The following CHMP3 variants were observed in gnomAD, a reference collection of about 807,000 sequenced individuals.
The protein encoded by CHMP3 is charged multivesicular body protein 3.
In CHMP3, 8 loss-of-function variants were observed where a neutral mutation model predicts 27.4. The observed-to-expected ratio is 0.29, with a 90% CI of 0.17 to 0.53. The LOEUF (loss-of-function observed/expected upper bound fraction) is 0.53. Among genes scored for constraint, CHMP3 ranks in the 20% least tolerant of loss-of-function variants. The pLI, the probability that CHMP3 is intolerant of heterozygous loss-of-function variation, is 0.96. For missense variants in CHMP3, 208 were observed against 271.5 expected (o/e 0.77, Z 1.64); for synonymous variants, 86 against 85.5 (o/e 1.01, Z -0.03).
chr2:86,548,179 CTTTTTTTTTT>C (rs55949258), intron 1 of CHMP3, among the ~76,000 whole-genome samples: 1 of 116,072 alleles, frequency 8.6e-6, no homozygotes, highest in South Asian at 3.1e-4. Context: ...GAGGAGTTCT[CTTTTTTTTTT>C]TTTTTTTTTT....
rs1205641112 is a variant in CHMP3 at position 86,507,529 on chromosome 2, T to G, written c.473A>C (p.Glu158Ala). The change falls in exon 5 of 6, where the codon GAG becomes GCG. Residue 158 changes from glutamate (E) to alanine (A), a missense_variant. Physicochemically the swap from Glu to Ala is moderately radical, Grantham distance 107. This residue lies in a region of CHMP3 where 94 missense variants were observed against 159.6 expected (regional missense o/e 0.59). Transcript: ENST00000263856. The stretch of plus-strand genomic sequence containing the variant: ...GTCAATTTCCATTTCTGCTTCTTCC[T>G]CCATTTCTTCCTGATCGTCCATGCT... ...FESMDDQEEM[E>A]EEAEMEIDRI... 6.2e-7 allele frequency: 1 copy of G among 1,614,028 alleles called. No individual in the cohort carries two copies. Among genetic ancestry groups the G allele is most frequent in the East Asian group, 2.2e-5 (1 of 44,888 alleles).
intron 3 of CHMP3, among the ~76,000 whole-genome samples, chr2:86,522,326 T>C (rs930043529): frequency 2.0e-5 from 3 of 152,184 alleles, no homozygotes; most frequent in Non-Finnish European, 4.4e-5. Context: ...TCCCAAAATG[T>C]AGCCTTTTCC....
At chr2:86,546,621 AGAGACGG>A (rs1479496911) in intron 1 of CHMP3, among the ~76,000 whole-genome samples, 9 of 151,882 alleles carry the variant, frequency 5.9e-5, no homozygotes, top group African/African-American at 1.5e-4. Context: ...CATTTTCAGT[AGAGACGG>A]GATTTCACCA....
chr2:86,532,702 T>G (rs1033974012), intron 2 of CHMP3, among the ~76,000 whole-genome samples: 12 of 152,228 alleles, frequency 7.9e-5, no homozygotes, highest in African/African-American at 2.9e-4. Context: ...GTGAGTTTCT[T>G]TTCCCCTTCA....
chr2:86,547,939 G>A (rs781133029), intron 1 of CHMP3, among the ~76,000 whole-genome samples: 4 of 152,150 alleles, frequency 2.6e-5, no homozygotes, highest in Admixed American at 6.5e-5. Context: ...TTCATTCACA[G>A]AGGTCTATTA....
intron 3 of CHMP3, chr2:86,512,236 T>C (rs978715673): frequency 6.6e-6 from 1 of 152,216 alleles, no homozygotes; most frequent in Admixed American, 6.5e-5. Flanking sequence ...CTGAATGGAT[T>C]AGGTGCCCTT....
chr2:86,524,589 A>C (rs1675630759), intron 3 of CHMP3, among the ~76,000 whole-genome samples: 1 of 152,212 alleles, frequency 6.6e-6, no homozygotes, highest in Non-Finnish European at 1.5e-5. Context: ...AGATATGTGT[A>C]GGTTATATGC....
chr2:86,506,214 A>G (rs756100298), intron 5 of CHMP3, among the ~76,000 whole-genome samples: 1 of 152,210 alleles, frequency 6.6e-6, no homozygotes, highest in Non-Finnish European at 1.5e-5. Context: ...AAAACTTTAA[A>G]TCTTCTTTCT....
intron 1 of CHMP3, among the ~76,000 whole-genome samples, chr2:86,555,037 G>A (rs760528864): frequency 6.6e-5 from 10 of 151,818 alleles, no homozygotes; most frequent in South Asian, 2.1e-4. Flanking sequence ...TAGTAGAGAC[G>A]GGGTTTCACT....
At chr2:86,510,277 C>CCAAAACCAA in intron 4 of CHMP3, 81 bp downstream of exon 4, 1 of 1,118,948 alleles carries the variant, frequency 8.9e-7, no homozygotes, top group Non-Finnish European at 1.3e-6. Context: ...CATCCCCACC[C>CCAAAACCAA]ACCCTCATCC....
At chr2:86,539,828 A>T (rs1327674033) in intron 2 of CHMP3, among the ~76,000 whole-genome samples, 1 of 152,084 alleles carries the variant, frequency 6.6e-6, no homozygotes, top group East Asian at 1.9e-4. Context: ...CCTTCATATA[A>T]ATCCAAGTTT....
chr2:86,552,296 A>G (rs1415393265), intron 1 of CHMP3, among the ~76,000 whole-genome samples: 1 of 152,248 alleles, frequency 6.6e-6, no homozygotes, highest in African/African-American at 2.4e-5. Flanking sequence ...TATTCTAAAT[A>G]TTAGCAATTA....
intron 3 of CHMP3, among the ~76,000 whole-genome samples, chr2:86,512,792 T>C (rs182033084): frequency 3.5e-4 from 54 of 152,360 alleles, no homozygotes; most frequent in Admixed American, 2.6e-4. Context: ...CAACATCTTA[T>C]GTCATTTGGG....
At chr2:86,536,686 CACTT>C (rs1162418505) in intron 2 of CHMP3, among the ~76,000 whole-genome samples, 1 of 152,198 alleles carries the variant, frequency 6.6e-6, no homozygotes, top group Non-Finnish European at 1.5e-5. Flanking sequence ...GGCAAGATCT[CACTT>C]GAGTTTATCC....
At chr2:86,506,770 C>T (rs1263884111) in intron 5 of CHMP3, among the ~76,000 whole-genome samples, 1 of 151,776 alleles carries the variant, frequency 6.6e-6, no homozygotes, top group Non-Finnish European at 1.5e-5. Flanking sequence ...CCACACCCAC[C>T]TACCTAATTT....
At chr2:86,506,062 C>T (rs1674874683) in intron 5 of CHMP3, 113 bp from the exon 6 acceptor site, 2 of 1,271,126 alleles carry the variant, frequency 1.6e-6, no homozygotes, top group Admixed American at 7.0e-5. Context: ...TGAGACAGTA[C>T]AGCAAGCTGT....
chr2:86,541,445 G>A (rs185119283), intron 2 of CHMP3: 1 of 152,164 alleles, frequency 6.6e-6, no homozygotes, highest in East Asian at 1.9e-4. Context: ...GCCACTCCCT[G>A]AACCCTTATC....
chr2:86,536,551 G>C (rs1419009382), intron 2 of CHMP3, among the ~76,000 whole-genome samples: 1 of 152,086 alleles, frequency 6.6e-6, no homozygotes, highest in Non-Finnish European at 1.5e-5. Flanking sequence ...TAATGTTTCG[G>C]ATGAGAAATC....
chr2:86,524,597 T>C (rs1191945462), intron 3 of CHMP3, among the ~76,000 whole-genome samples: 1 of 152,196 alleles, frequency 6.6e-6, no homozygotes, highest in Non-Finnish European at 1.5e-5. Flanking sequence ...GTAGGTTATA[T>C]GCAAATACTA....
Sources: gnomAD v4.1 joint callset for allele counts (sites outside exome capture counted in the v4.1 genomes callset) on GRCh38, gnomAD v4.1.1 for gene constraint, gnomAD v4.1.1 regional missense constraint, MANE v1.5 for transcripts, NCBI Gene and HGNC (gene_info 2026-07-23, HGNC 2026-07-21) for gene names.